Variants in DOCK4 observed in about 807,000 individuals in gnomAD.
The protein encoded by DOCK4 is dedicator of cytokinesis 4, also known as dedicator of cytokinesis protein 4.
Under a neutral mutation model 268.1 loss-of-function variants are expected in DOCK4, and 97 were observed. That is an observed-to-expected ratio of 0.36 (90% CI 0.31 to 0.43). DOCK4 has a LOEUF of 0.43. Among genes scored for constraint, DOCK4 ranks in the 20% least tolerant of loss-of-function variants. DOCK4 has a pLI of 1.00. For synonymous variants in DOCK4, 954 were observed against 887.2 expected (o/e 1.08, Z -1.34); for missense variants, 2,145 against 2,455.7 (o/e 0.87, Z 2.67).
intron 17 of DOCK4, among the ~76,000 whole-genome samples, chr7:111,873,942 G>A (rs540629357): frequency 2.0e-5 from 3 of 152,272 alleles, no homozygotes; most frequent in Admixed American, 2.0e-4. Context: ...CCCTGAAAAT[G>A]TTGACTATTC....
chr7:112,003,954 T>C (rs1800645637), intron 2 of DOCK4, 94 bp downstream of exon 2: 2 of 932,280 alleles, frequency 2.1e-6, no homozygotes, highest in East Asian at 6.0e-5. Flanking sequence ...TGGTGACTAC[T>C]GGAAAAGTTC....
rs889620216 is a variant in DOCK4 at position 111,894,200 on chromosome 7, C to T, written c.1587+1412G>A. ...TTGTGCCGCTGCACTCCAGCCTGGG[C>T]GACAGAGCAAGACTCCATCTCAAAA... is the stretch of plus-strand genomic sequence containing the variant. On this transcript the variant is annotated intron_variant, in intron 16 of 52. Transcript: ENST00000428084. Among the ~76,000 whole-genome samples the T allele has an allele frequency of 9.9e-5, 14 of 141,224 alleles. No homozygotes were observed. The South Asian group carries it at 1.1e-3, about 11-fold the overall frequency. The allele number at this position is 141,224 out of a possible 152,430, so 92.6% of individuals were successfully genotyped here.
At chr7:112,037,677 T>C (rs1803936457) in intron 1 of DOCK4, among the ~76,000 whole-genome samples, 1 of 152,234 alleles carries the variant, frequency 6.6e-6, no homozygotes, top group African/African-American at 2.4e-5. Flanking sequence ...TTTCTTTATA[T>C]AATTTCTAAG....
At chr7:111,728,797 G>C (rs1263679515) in intron 52 of DOCK4, 77 bp from the exon 53 acceptor site, 17 of 1,398,848 alleles carry the variant, frequency 1.2e-5, no homozygotes, top group Non-Finnish European at 1.6e-5. Context: ...TGTACGCCCC[G>C]ACGCGGAGGC....
chr7:111,822,269 C>A (rs1802045048), intron 27 of DOCK4, 93 bp downstream of exon 27: 10 of 1,032,266 alleles, frequency 9.7e-6, no homozygotes, highest in African/African-American at 1.7e-5. Context: ...AAAAAAAAAA[C>A]TGCAAACTTG....
At chr7:111,917,519 C>G (rs1586364717) in intron 12 of DOCK4, among the ~76,000 whole-genome samples, 1 of 151,826 alleles carries the variant, frequency 6.6e-6, no homozygotes, top group East Asian at 2.0e-4. Context: ...CAAGACCATC[C>G]TGGCTAACAA....
intron 16 of DOCK4, 53 bp from the exon 17 acceptor site, chr7:111,877,239 A>C (rs1239116754): frequency 7.9e-7 from 1 of 1,258,042 alleles, no homozygotes; most frequent in African/African-American, 1.5e-5. Context: ...TCTCATAAGA[A>C]TTATTAAGCA....
rs764361126 is a variant in DOCK4, at chr7:111,915,787, A to C, written c.1184T>G (p.Ile395Ser). Reference protein sequence around the residue: ...ITRKLGFSNIIMPGEMRNDLY... With the variant: ...ITRKLGFSNISMPGEMRNDLY... ...CGTCCCAAGTCACCTACCAGGCATA[A>C]TAATATTTGAAAATCCCAGCTTCCT... Residue 395 changes from isoleucine (I) to serine (S), a missense_variant, in exon 13 of 53, where the codon ATT becomes AGT. This residue lies in a region of DOCK4 where 1,598 missense variants were observed against 1,986.7 expected (regional missense o/e 0.80). Transcript: ENST00000428084. 4 of 1,613,310 alleles carry C rather than the reference A, an allele frequency of 2.5e-6. No individual in the cohort carries two copies. Among genetic ancestry groups the C allele is most frequent in the Non-Finnish European group, 3.4e-6 (4 of 1,179,634 alleles).
At chr7:111,998,546 C>G in intron 3 of DOCK4, 43 bp from the exon 4 acceptor site, 1 of 1,515,370 alleles carries the variant, frequency 6.6e-7, no homozygotes, top group Non-Finnish European at 8.9e-7. Flanking sequence ...GCTGTTAAGG[C>G]AGGGTTGGTT....
At chr7:112,012,021 G>A (rs1309271372) in intron 1 of DOCK4, among the ~76,000 whole-genome samples, 3 of 151,762 alleles carry the variant, frequency 2.0e-5, no homozygotes, top group Non-Finnish European at 4.4e-5. Context: ...GCTAGCCCAC[G>A]ATGACACCCC....
chr7:111,822,111 C>A (rs1006618229), intron 27 of DOCK4, among the ~76,000 whole-genome samples: 1 of 152,290 alleles, frequency 6.6e-6, no homozygotes, highest in Admixed American at 6.5e-5. Context: ...AGTGGTTATA[C>A]AGCCTAGGGG....
chr7:111,988,793 A>T (rs955586195), intron 6 of DOCK4, among the ~76,000 whole-genome samples: 2 of 152,224 alleles, frequency 1.3e-5, no homozygotes, highest in African/African-American at 4.8e-5. Context: ...ATCAAGCCAC[A>T]TACGATACTA....
chr7:111,952,839 AT>A (rs1421663992), intron 8 of DOCK4, among the ~76,000 whole-genome samples: 1 of 152,056 alleles, frequency 6.6e-6, no homozygotes, highest in Non-Finnish European at 1.5e-5. Flanking sequence ...AACAACTGTC[AT>A]TTTTTTTATA....
Position 111,760,216 on chromosome 7 carries a change from T to G in DOCK4, c.4127A>C (p.Gln1376Pro), listed in dbSNP as rs368019287. 1.4e-5 allele frequency: 22 copies of G among 1,613,998 alleles called. No individual in the cohort carries two copies. The highest frequency in any genetic ancestry group is 1.7e-5 in the Non-Finnish European group (20 of 1,179,892). Reference sequence around the variant, plus strand: ...TGCCTGGAAGATGGTCTCATCGGGCTGGTTGGCGTGCTGCATGGCGATGGC... The same window carrying G: ...TGCCTGGAAGATGGTCTCATCGGGCGGGTTGGCGTGCTGCATGGCGATGGC... ...PHAIAMQHAN[Q>P]PDETIFQAEA... The change falls in exon 40 of 53, where the codon CAG (glutamine) becomes CCG (proline). Residue 1376 changes from glutamine (Q) to proline (P), a missense_variant. Physicochemically the swap from Gln to Pro is moderately conservative, Grantham distance 76. This residue lies in a region of DOCK4 where 1,598 missense variants were observed against 1,986.7 expected (regional missense o/e 0.80). Transcript: ENST00000428084.
At chr7:111,933,293 TATA>T (rs1794411484) in intron 12 of DOCK4, among the ~76,000 whole-genome samples, 1 of 118,310 alleles carries the variant, frequency 8.5e-6, no homozygotes, top group African/African-American at 3.4e-5. Flanking sequence ...TATATATATA[TATA>T]TATTTTTTTT....
chr7:111,749,869 G>T (rs1310523291), intron 42 of DOCK4, among the ~76,000 whole-genome samples: 1 of 152,150 alleles, frequency 6.6e-6, no homozygotes, highest in Non-Finnish European at 1.5e-5. Flanking sequence ...CCTAAGACTA[G>T]TTATCCCCTC....
At position 112,029,501 on chromosome 7, in the gene DOCK4, G is replaced by A. The variant is rs1476830584; in HGVS notation, c.38-25370C>T. 3.3e-5 allele frequency among the ~76,000 whole-genome samples: 5 copies of A among 152,304 alleles called. No homozygotes were observed. The East Asian group carries it at 9.6e-4, about 29-fold the overall frequency. On this transcript the variant is annotated intron_variant, in intron 1 of 52. Transcript: ENST00000428084. ...AAATGTTACCATTCATTTGCAGTAC[G>A]AGACCAGCAATTGGTGTTTGCAACA... is the stretch of plus-strand genomic sequence containing the variant.
intron 16 of DOCK4, among the ~76,000 whole-genome samples, chr7:111,881,911 G>A (rs934836394): frequency 1.3e-5 from 2 of 152,202 alleles, no homozygotes; most frequent in African/African-American, 4.8e-5. Flanking sequence ...GAGAGTAGGG[G>A]ATGGTTACCA....
chr7:111,783,020 A>G (rs1239077953), intron 34 of DOCK4, 96 bp from the exon 35 acceptor site: 3 of 784,108 alleles, frequency 3.8e-6, no homozygotes, highest in African/African-American at 2.6e-5. Context: ...GAAAGAAAGA[A>G]AAAAAAAAAA....
Sources: allele counts gnomAD v4.1 joint callset (sites outside exome capture counted in the v4.1 genomes callset), GRCh38; gene constraint gnomAD v4.1.1; regional missense constraint gnomAD v4.1.1; transcripts MANE v1.5; gene names NCBI Gene and HGNC (gene_info 2026-07-23, HGNC 2026-07-21).